The following TLCD4 variants were observed in gnomAD, a reference collection of about 807,000 sequenced individuals.
TLCD4 encodes the protein TLC domain-containing protein 4.
A neutral mutation model predicts 24.2 loss-of-function variants in TLCD4; 7 were observed. That is an observed-to-expected ratio of 0.29 (90% CI 0.16 to 0.54). TLCD4 has a LOEUF of 0.54. Among genes scored for constraint, TLCD4 ranks in the 20% least tolerant of loss-of-function variants. The pLI is 0.95. For synonymous variants in TLCD4, 103 were observed against 106.4 expected (o/e 0.97, Z 0.20); for missense variants, 259 against 313.9 (o/e 0.82, Z 1.32).
At chr1:95,102,903 G>T in the TLCD4 span, among the ~76,000 whole-genome samples, 1 of 150,222 alleles carries the variant, frequency 6.7e-6, no homozygotes, top group South Asian at 2.1e-4. Context: ...AGTGGATAAA[G>T]TACTATATAT....
chr1:95,120,752 A>G (rs1676546415), intron 1 of TLCD4, among the ~76,000 whole-genome samples: 1 of 152,198 alleles, frequency 6.6e-6, no homozygotes, highest in Non-Finnish European at 1.5e-5. Context: ...TACAAAATGC[A>G]TTTTTACACT....
At chr1:95,171,353 C>T (rs1678214612) in intron 5 of TLCD4, among the ~76,000 whole-genome samples, 3 of 152,144 alleles carry the variant, frequency 2.0e-5, no homozygotes, top group African/African-American at 7.2e-5. Flanking sequence ...GAAACCCCTT[C>T]CTCTGATACC....
chr1:95,140,245 TTTATA>T (rs2100930984), intron 1 of TLCD4, among the ~76,000 whole-genome samples: 1 of 152,342 alleles, frequency 6.6e-6, no homozygotes, highest in Admixed American at 6.5e-5. Context: ...GTGCTAGACT[TTTATA>T]TGACCGTCAG....
At chr1:95,162,169 A>G (rs1001374753) in intron 5 of TLCD4, among the ~76,000 whole-genome samples, 17 of 152,116 alleles carry the variant, frequency 1.1e-4, no homozygotes, top group Non-Finnish European at 2.1e-4. Context: ...GACTTGCTTT[A>G]TGAATCTGGG....
chr1:95,115,897 G>A (rs370150322), upstream of TLCD4, among the ~76,000 whole-genome samples: 10 of 152,344 alleles, frequency 6.6e-5, no homozygotes, highest in East Asian at 1.7e-3. Flanking sequence ...CTTCACAGAT[G>A]TTCACATATA....
chr1:95,191,462 T>C (rs1679027427), intron 6 of TLCD4, 88 bp from the exon 7 acceptor site: 2 of 1,481,484 alleles, frequency 1.3e-6, no homozygotes, highest in Admixed American at 2.4e-5. Context: ...CCTCCTTCAC[T>C]GAATTTTAAA....
At chr1:95,182,828 G>A (rs1678694227) in intron 6 of TLCD4, among the ~76,000 whole-genome samples, 2 of 152,018 alleles carry the variant, frequency 1.3e-5, no homozygotes, top group Admixed American at 1.3e-4. Flanking sequence ...AATGTTTTAG[G>A]ACTTTTTTTT....
intron 5 of TLCD4, among the ~76,000 whole-genome samples, chr1:95,162,037 T>A (rs969612607): frequency 6.6e-6 from 1 of 152,198 alleles, no homozygotes; most frequent in Non-Finnish European, 1.5e-5. Flanking sequence ...CAGAGCTGAG[T>A]TCAATTCCTG....
chr1:95,173,334 G>T (rs1261780926), intron 5 of TLCD4, among the ~76,000 whole-genome samples: 2 of 151,120 alleles, frequency 1.3e-5, no homozygotes, highest in Non-Finnish European at 2.9e-5. Flanking sequence ...TTTTGAGACG[G>T]AGTCTCGCTC....
chr1:95,146,772 T>C (rs1677362057), intron 2 of TLCD4, among the ~76,000 whole-genome samples: 2 of 152,144 alleles, frequency 1.3e-5, no homozygotes, highest in Non-Finnish European at 2.9e-5. Flanking sequence ...AGATATTTGA[T>C]TGGACCAAGT....
intron 5 of TLCD4, among the ~76,000 whole-genome samples, chr1:95,162,507 G>A (rs1677847876): frequency 6.6e-6 from 1 of 152,104 alleles, no homozygotes; most frequent in Admixed American, 6.6e-5. Context: ...GTGCATTTAA[G>A]GTTAATATTG....
chr1:95,157,535 T>C (rs1415001131), intron 5 of TLCD4, among the ~76,000 whole-genome samples: 1 of 152,198 alleles, frequency 6.6e-6, no homozygotes, highest in Non-Finnish European at 1.5e-5. Flanking sequence ...TGAAATCCAT[T>C]GACTCGTAAG....
chr1:95,101,607 ACT>A, the TLCD4 span, among the ~76,000 whole-genome samples: 1 of 151,544 alleles, frequency 6.6e-6, no homozygotes, highest in Non-Finnish European at 1.5e-5. Context: ...ACCTCAAGAA[ACT>A]CTGATTTACA....
intron 2 of TLCD4, among the ~76,000 whole-genome samples, chr1:95,146,472 C>T (rs948540752): frequency 6.6e-6 from 1 of 151,930 alleles, no homozygotes; most frequent in Non-Finnish European, 1.5e-5. Context: ...AATTGCTATT[C>T]TAAAATAGTC....
chr1:95,182,167 A>G (rs1384850013), intron 6 of TLCD4, among the ~76,000 whole-genome samples: 2 of 152,196 alleles, frequency 1.3e-5, no homozygotes, highest in South Asian at 2.1e-4. Flanking sequence ...TGTTGGTATC[A>G]AAACTGTCAG....
At chr1:95,109,924 T>C in the TLCD4 span, among the ~76,000 whole-genome samples, 4 of 101,756 alleles carry the variant, frequency 3.9e-5, no homozygotes, top group East Asian at 2.8e-4. Context: ...TATATATATA[T>C]ATATATATAT....
At chr1:95,145,906 T>A (rs1455130852) in intron 2 of TLCD4, among the ~76,000 whole-genome samples, 1 of 152,210 alleles carries the variant, frequency 6.6e-6, no homozygotes, top group East Asian at 1.9e-4. Flanking sequence ...TAAAATTCAT[T>A]TAGGTATTCA....
At chr1:95,139,565 T>C (rs10047226) in intron 1 of TLCD4, among the ~76,000 whole-genome samples, 2,623 of 149,136 alleles carry the variant, frequency 0.018, 84 homozygotes, top group African/African-American at 0.061. Flanking sequence ...TTCAAGTGAT[T>C]CTCCTGCCTC....
At position 95,192,160 on chromosome 1, in the gene TLCD4, G is replaced by C. The variant is rs556675625; in HGVS notation, c.*292G>C. On this transcript the variant is annotated 3_prime_UTR_variant, in exon 7 of 7. Coordinates refer to ENST00000370203, the MANE Select transcript of TLCD4 (RefSeq NM_152487.3). ...AAAATACAAAAAAAAGTAGCTGGGCGTGGTGGTTGGCGCCTGTAATCCCAG... is the reference window on the plus strand; with the variant it reads ...AAAATACAAAAAAAAGTAGCTGGGCCTGGTGGTTGGCGCCTGTAATCCCAG... 6.0e-6 allele frequency: 2 copies of C among 334,142 alleles called. No homozygotes were observed. Among genetic ancestry groups the C allele is most frequent in the Non-Finnish European group, 9.8e-6 (2 of 203,258 alleles). The allele number at this position is 334,142 out of a possible 1,614,324, so 20.7% of individuals were successfully genotyped here. A position where few individuals can be genotyped will look rare whatever the true frequency, so the allele number is the denominator to read the frequency against.
Sources: allele counts gnomAD v4.1 joint callset (sites outside exome capture counted in the v4.1 genomes callset), GRCh38; gene constraint gnomAD v4.1.1; transcripts MANE v1.5; gene names NCBI Gene and HGNC (gene_info 2026-07-23, HGNC 2026-07-21).